The following CSNK1G2 variants were observed in gnomAD, a reference collection of about 807,000 sequenced individuals.
The protein encoded by CSNK1G2 is casein kinase 1 gamma 2.
Under a neutral mutation model 48.0 loss-of-function variants are expected in CSNK1G2, and 11 were observed. The observed-to-expected ratio is 0.23, with a 90% CI of 0.14 to 0.38. The LOEUF (loss-of-function observed/expected upper bound fraction) is 0.38. CSNK1G2 is among the 10% of genes least tolerant of loss of function. The pLI is 1.00. For synonymous variants in CSNK1G2, 337 were observed against 254.1 expected, an observed-to-expected ratio of 1.33 and a Z score of -3.10; for missense variants, 446 against 595.5, an observed-to-expected ratio of 0.75 and a Z score of 2.61.
chr19:1,969,681 A>T lies in CSNK1G2; in HGVS notation c.-92A>T. The stretch of plus-strand genomic sequence containing the variant: ...CGCCCACCGGCCGCAGTGATGTTCT[A>T]GCCACAGAGGAGCCAAGACCTCAGG... On this transcript the variant is annotated 5_prime_UTR_variant, in exon 2 of 12. An upstream open reading frame in the 5' UTR loses its in-frame stop. Transcript: ENST00000255641. 9.1e-7 allele frequency: 1 copy of T among 1,102,190 alleles called. No homozygotes were observed. The highest frequency in any genetic ancestry group is 1.2e-6 in the Non-Finnish European group (1 of 857,142). 68.3% of individuals were successfully genotyped at this position (1,102,190 alleles called of 1,614,324 possible). A position where few individuals can be genotyped will look rare whatever the true frequency, so the allele number is the denominator to read the frequency against.
chr19:1,963,050 C>T (rs1292753018), intron 1 of CSNK1G2, among the ~76,000 whole-genome samples: 1 of 151,942 alleles, frequency 6.6e-6, no homozygotes, highest in Non-Finnish European at 1.5e-5. Context: ...ACGCCAGGCT[C>T]AATGAGACAC....
intron 1 of CSNK1G2, among the ~76,000 whole-genome samples, chr19:1,966,174 TG>T (rs1355087019): frequency 1.3e-5 from 2 of 152,152 alleles, no homozygotes; most frequent in Admixed American, 6.6e-5. Flanking sequence ...ATTCCTCTGA[TG>T]GAGCTGGGGA....
chr19:1,959,114 G>A (rs1193825808), intron 1 of CSNK1G2: 1 of 152,936 alleles, frequency 6.5e-6, no homozygotes, highest in Non-Finnish European at 1.5e-5. Context: ...ATGCAGCTCA[G>A]TGCCTTTAGC....
In CSNK1G2 at chr19:1,953,711, C is replaced by T. The variant is rs868747904; in HGVS notation, c.-266+12293C>T. 310 of 387,386 alleles carry T rather than the reference C, an allele frequency of 8.0e-4. 7 individuals are homozygous for T. The highest frequency in any genetic ancestry group is 5.0e-3 in the South Asian group (268 of 53,662). The allele number at this position is 387,386 out of a possible 1,614,324, so 24.0% of individuals were successfully genotyped here. A position where few individuals can be genotyped will look rare whatever the true frequency, so the allele number is the denominator to read the frequency against. ...GTGGGACGGGGTCCCTGCACAGCCT[C>T]GCCGTCCCCCACATCCCCCCAACAG... On this transcript the variant is annotated intron_variant, in intron 1 of 11. Transcript: ENST00000255641.
At chr19:1,952,118 GA>G (rs1436094925) in intron 1 of CSNK1G2, among the ~76,000 whole-genome samples, 3 of 152,200 alleles carry the variant, frequency 2.0e-5, no homozygotes, top group Non-Finnish European at 4.4e-5. Context: ...CTTTTTCGGG[GA>G]TAGCCCAACC....
chr19:1,949,693 G>A (rs1379323452), intron 1 of CSNK1G2, among the ~76,000 whole-genome samples: 3 of 152,236 alleles, frequency 2.0e-5, no homozygotes, highest in South Asian at 4.1e-4. Flanking sequence ...AGCCGCAGAC[G>A]GCCATCCATA....
intron 1 of CSNK1G2, among the ~76,000 whole-genome samples, chr19:1,966,234 G>A (rs912936926): frequency 1.8e-4 from 28 of 152,236 alleles, no homozygotes; most frequent in African/African-American, 6.8e-4. Context: ...TCTAGAGGCT[G>A]TGAAGGACAC....
At chr19:1,961,199 G>A (rs2015187485) in intron 1 of CSNK1G2, among the ~76,000 whole-genome samples, 1 of 152,254 alleles carries the variant, frequency 6.6e-6, no homozygotes, top group Non-Finnish European at 1.5e-5. Context: ...CGCGGTTGTG[G>A]CATTCTCGCT....
chr19:1,948,850 C>T (rs1325853102), intron 1 of CSNK1G2, among the ~76,000 whole-genome samples: 1 of 152,216 alleles, frequency 6.6e-6, no homozygotes, highest in African/African-American at 2.4e-5. Flanking sequence ...CGCACACATA[C>T]CTCGTGTGTT....
intron 1 of CSNK1G2, among the ~76,000 whole-genome samples, chr19:1,943,853 GTCCGTCAA>G (rs1393638340): frequency 6.6e-6 from 1 of 152,232 alleles, no homozygotes; most frequent in Non-Finnish European, 1.5e-5. Flanking sequence ...GGGGCTCATG[GTCCGTCAA>G]GGCCTTGACC....
chr19:1,969,823 A>G lies in CSNK1G2; in HGVS notation c.51A>G (p.Arg17=). ...GGKGETEEGR[R]MSKAGGGRSS... The stretch of plus-strand genomic sequence containing the variant: ...AAGGGGAGACGGAGGAGGGCCGGAG[A>G]ATGTCCAAGGCCGGCGGGGGCCGGA... Residue 17 remains arginine, a synonymous_variant, in exon 2 of 12, where the codon AGA becomes AGG. Coordinates refer to ENST00000255641, the MANE Select transcript of CSNK1G2 (RefSeq NM_001319.7). 1 of 1,310,890 alleles carries G rather than the reference A, an allele frequency of 7.6e-7. No homozygotes were observed. The highest frequency in any genetic ancestry group is 9.8e-7 in the Non-Finnish European group (1 of 1,021,126). 81.2% of individuals were successfully genotyped at this position (1,310,890 alleles called of 1,614,324 possible). A position where few individuals can be genotyped will look rare whatever the true frequency, so the allele number is the denominator to read the frequency against.
rs542195862 is a variant in CSNK1G2, at chr19:1,974,983, G to A, written c.188-3322G>A. On this transcript the variant is annotated intron_variant, in intron 2 of 11. Coordinates refer to ENST00000255641, the MANE Select transcript of CSNK1G2 (RefSeq NM_001319.7). ...TTGGCTTTCAGAGCCCAGAGCGCCC[G>A]ACCTCCTCCAGGAGTCTGCAGATCC... 3.6e-4 allele frequency: 310 copies of A among 857,368 alleles called. 1 individual carries two copies. Among genetic ancestry groups the A allele is most frequent in the African/African-American group, 3.0e-3 (162 of 54,688 alleles). 53.1% of individuals were successfully genotyped at this position (857,368 alleles called of 1,614,324 possible). A position where few individuals can be genotyped will look rare whatever the true frequency, so the allele number is the denominator to read the frequency against.
At chr19:1,942,975 G>T (rs986621655) in intron 1 of CSNK1G2, among the ~76,000 whole-genome samples, 2 of 152,180 alleles carry the variant, frequency 1.3e-5, no homozygotes, top group African/African-American at 4.8e-5. Flanking sequence ...AGGGCCGAGA[G>T]TGTTTTGCTC....
In CSNK1G2 at chr19:1,978,465, G is replaced by T. The variant is rs1248131188; in HGVS notation, c.252G>T (p.Pro84=). The T allele has an allele frequency of 1.9e-5, 30 of 1,606,240 alleles. No homozygotes were observed. The highest frequency in any genetic ancestry group is 2.5e-5 in the Non-Finnish European group (30 of 1,177,042). Reference sequence around the variant, plus strand: ...AGGAGCCGATCAAGTCCCGGGCCCCGCAGCTGCACCTGGAGTACCGGTTCT... The same window carrying T: ...AGGAGCCGATCAAGTCCCGGGCCCCTCAGCTGCACCTGGAGTACCGGTTCT... The part of the protein sequence containing the change: ...IKLEPIKSRA[P]QLHLEYRFYK... Residue 84 remains proline (P), a synonymous_variant, in exon 4 of 12, where the codon CCG becomes CCT. Coordinates refer to ENST00000255641, the MANE Select transcript of CSNK1G2 (RefSeq NM_001319.7). The surrounding 1 kb of genome is among the most constrained non-coding windows in gnomAD (Gnocchi z 7.3).
At chr19:1,976,815 C>G (rs2015772740) in intron 2 of CSNK1G2, among the ~76,000 whole-genome samples, 2 of 152,006 alleles carry the variant, frequency 1.3e-5, no homozygotes, top group Admixed American at 6.6e-5. Context: ...TCTCAGCTCA[C>G]CACAACCTTC....
intron 1 of CSNK1G2, chr19:1,954,831 G>C (rs181894064): frequency 6.6e-6 from 1 of 152,418 alleles, no homozygotes; most frequent in African/African-American, 2.4e-5. Context: ...CTTGGCGTGT[G>C]ACCCGGAGCC....
Position 1,980,383 on chromosome 19 carries a change from T to C in CSNK1G2, c.*180T>C. The C allele has an allele frequency of 2.8e-6, 2 of 713,392 alleles. No homozygotes were observed. The highest frequency in any genetic ancestry group is 3.2e-5 in the South Asian group (2 of 62,598). 44.2% of individuals were successfully genotyped at this position (713,392 alleles called of 1,614,324 possible). A position where few individuals can be genotyped will look rare whatever the true frequency, so the allele number is the denominator to read the frequency against. On this transcript the variant is annotated 3_prime_UTR_variant, in exon 12 of 12. Coordinates refer to ENST00000255641, the MANE Select transcript of CSNK1G2 (RefSeq NM_001319.7). ...CCCCACCCCCGGGACGTGGGGTCAC[T>C]TCCTTCATGTAAGACTTTGGCCGAA... is the stretch of plus-strand genomic sequence containing the variant.
intron 1 of CSNK1G2, among the ~76,000 whole-genome samples, chr19:1,965,698 A>C (rs191700242): frequency 4.6e-5 from 7 of 152,176 alleles, no homozygotes; most frequent in Non-Finnish European, 7.4e-5. Context: ...GGGTTTCACC[A>C]TGTTCCTCAG....
intron 1 of CSNK1G2, among the ~76,000 whole-genome samples, chr19:1,949,489 C>A (rs1028606277): frequency 6.6e-6 from 1 of 152,336 alleles, no homozygotes; most frequent in East Asian, 1.9e-4. Context: ...CGCTCCTGTT[C>A]GTGGCTGAGT....
Sources: allele counts gnomAD v4.1 joint callset (sites outside exome capture counted in the v4.1 genomes callset), GRCh38; gene constraint gnomAD v4.1.1; non-coding constraint Gnocchi (gnomAD v3.1); transcripts MANE v1.5; gene names NCBI Gene and HGNC (gene_info 2026-07-23, HGNC 2026-07-21).